Variants in OCLN observed in about 807,000 individuals in gnomAD.
The protein encoded by OCLN is occludin.
In OCLN, 21 loss-of-function variants were observed where a neutral mutation model predicts 47.9. That is an observed-to-expected ratio of 0.44 (90% confidence interval 0.31 to 0.63). OCLN has a LOEUF of 0.63. Ranked by LOEUF, OCLN falls within the 30% of genes least tolerant of loss-of-function variation. OCLN has a pLI of 0.08. For missense variants in OCLN, 360 were observed against 571.0 expected (o/e 0.63, Z 3.77); for synonymous variants, 117 against 198.4 (o/e 0.59, Z 3.45).
At chr5:69,547,185 C>A (rs1769733126) in intron 6 of OCLN, among the ~76,000 whole-genome samples, 1 of 151,096 alleles carries the variant, frequency 6.6e-6, no homozygotes, top group South Asian at 2.1e-4. Flanking sequence ...AGTCTGAAAA[C>A]TATGGGTGGT....
intron 1 of OCLN, among the ~76,000 whole-genome samples, chr5:69,495,279 G>A (rs1224854200): frequency 6.6e-6 from 1 of 152,098 alleles, no homozygotes; most frequent in Non-Finnish European, 1.5e-5. Context: ...TAACCCCTAG[G>A]CTTGCCGCTG....
chr5:69,496,274 A>G (rs1349131077), intron 1 of OCLN, among the ~76,000 whole-genome samples: 3 of 151,646 alleles, frequency 2.0e-5, no homozygotes, highest in African/African-American at 7.3e-5. Flanking sequence ...AATTTTTTGT[A>G]TTTTTAATAG....
At chr5:69,529,277 G>A (rs913306638) in intron 4 of OCLN, among the ~76,000 whole-genome samples, 2 of 152,090 alleles carry the variant, frequency 1.3e-5, no homozygotes, top group African/African-American at 2.4e-5. Flanking sequence ...ATCCCACAGG[G>A]GTTTAGGATG....
At chr5:69,515,178 A>T (rs1444545079) in intron 4 of OCLN, among the ~76,000 whole-genome samples, 51 of 129,838 alleles carry the variant, frequency 3.9e-4, no homozygotes, top group African/African-American at 1.5e-3. Context: ...TCCCTCCCGG[A>T]CGGGGCGGCT....
chr5:69,504,352 A>G (rs1768538657), intron 2 of OCLN, 58 bp downstream of exon 2: 1 of 1,013,428 alleles, frequency 9.9e-7, no homozygotes, highest in African/African-American at 1.6e-5. Flanking sequence ...TGTAAACAAT[A>G]AGTATGGTTG....
chr5:69,510,253 A>G (rs533686283), intron 3 of OCLN, among the ~76,000 whole-genome samples: 2 of 152,330 alleles, frequency 1.3e-5, no homozygotes, highest in East Asian at 3.9e-4. Context: ...TTTACGTAGC[A>G]TAATGTTTTT....
intron 4 of OCLN, among the ~76,000 whole-genome samples, chr5:69,529,688 C>T (rs1769377918): frequency 6.6e-6 from 1 of 152,100 alleles, no homozygotes; most frequent in African/African-American, 2.4e-5. Flanking sequence ...ACTGCAACCT[C>T]CATCTCCCGG....
intron 5 of OCLN, among the ~76,000 whole-genome samples, chr5:69,536,167 C>T (rs1769579357): frequency 6.6e-6 from 1 of 152,034 alleles, no homozygotes; most frequent in South Asian, 2.1e-4. Flanking sequence ...AAGGCACTTA[C>T]CATGAATGAA....
At chr5:69,500,233 A>G (rs1330900050) in intron 1 of OCLN, among the ~76,000 whole-genome samples, 2 of 152,108 alleles carry the variant, frequency 1.3e-5, no homozygotes, top group Non-Finnish European at 2.9e-5. Context: ...GCCCCTTGGG[A>G]ATCTGCCCAC....
At chr5:69,537,879 G>A (rs1400066583) in intron 5 of OCLN, among the ~76,000 whole-genome samples, 2 of 106,288 alleles carry the variant, frequency 1.9e-5, no homozygotes, top group Admixed American at 2.0e-4. Context: ...ACATCTCGTT[G>A]CACTGGAAGG....
intron 2 of OCLN, among the ~76,000 whole-genome samples, chr5:69,507,475 G>A (rs1314116977): frequency 6.6e-6 from 1 of 151,842 alleles, no homozygotes; most frequent in Non-Finnish European, 1.5e-5. Context: ...AATGCGATAT[G>A]TATTTTTTCA....
intron 5 of OCLN, 78 bp from the exon 6 acceptor site, chr5:69,544,826 A>ATTATGGCTGTGCC: frequency 1.6e-6 from 1 of 612,872 alleles, no homozygotes. Flanking sequence ...GCTGGTGTTT[A>ATTATGGCTGTGCC]TTATGGCTGT....
At chr5:69,524,531 G>T (rs1167261130) in intron 4 of OCLN, among the ~76,000 whole-genome samples, 1 of 152,156 alleles carries the variant, frequency 6.6e-6, no homozygotes, top group Non-Finnish European at 1.5e-5. Context: ...GCAGAGTTAG[G>T]TTATAGATTA....
chr5:69,511,300 G>T (rs940952066), intron 3 of OCLN, among the ~76,000 whole-genome samples: 1 of 151,612 alleles, frequency 6.6e-6, no homozygotes, highest in Non-Finnish European at 1.5e-5. Flanking sequence ...AGCCACGATG[G>T]TCTCTATCTT....
intron 3 of OCLN, among the ~76,000 whole-genome samples, chr5:69,511,494 C>A (rs1768785761): frequency 6.6e-6 from 1 of 152,068 alleles, no homozygotes; most frequent in Non-Finnish European, 1.5e-5. Flanking sequence ...TCACTGCATC[C>A]TTGACCTCCT....
chr5:69,505,246 G>A (rs531544441), intron 2 of OCLN, among the ~76,000 whole-genome samples: 11 of 152,156 alleles, frequency 7.2e-5, no homozygotes, highest in Admixed American at 3.3e-4. Flanking sequence ...GCAAAACTCC[G>A]TCTCAAAAAA....
In OCLN at chr5:69,509,272, C is replaced by A; in HGVS notation, c.182C>A (p.Pro61His). ...CTTCACTTCTACAAATGGACCTCTCCTCCAGGAGTGATTCGGATCCTGTCT... is the reference window on the plus strand; with the variant it reads ...CTTCACTTCTACAAATGGACCTCTCATCCAGGAGTGATTCGGATCCTGTCT... Reference protein sequence around the residue: ...EILHFYKWTSPPGVIRILSML... With the variant: ...EILHFYKWTSHPGVIRILSML... The change falls in exon 3 of 9, where the codon CCT (proline) becomes CAT (histidine). Residue 61 changes from proline (P) to histidine (H), a missense_variant. By Grantham distance (77) the Pro-to-His change is moderately conservative. This residue lies in a region of OCLN where 314 missense variants were observed against 368.1 expected (regional missense o/e 0.85). Coordinates refer to ENST00000396442, the MANE Select transcript of OCLN (RefSeq NM_001205254.2). The A allele has an allele frequency of 6.2e-7, 1 of 1,614,210 alleles. No homozygotes were observed. Among genetic ancestry groups the A allele is most frequent in the Non-Finnish European group, 8.5e-7 (1 of 1,180,034 alleles).
chr5:69,494,056 GAA>G (rs1768222207), intron 1 of OCLN, among the ~76,000 whole-genome samples: 1 of 152,234 alleles, frequency 6.6e-6, no homozygotes. Flanking sequence ...GGGATACCTG[GAA>G]AAGAGAAACG....
chr5:69,524,314 TTACATTA>T (rs1769220800), intron 4 of OCLN, among the ~76,000 whole-genome samples: 1 of 152,236 alleles, frequency 6.6e-6, no homozygotes, highest in Non-Finnish European at 1.5e-5. Flanking sequence ...CATTACTAAG[TTACATTA>T]TACATTTTTT....
Sources: allele counts gnomAD v4.1 joint callset (sites outside exome capture counted in the v4.1 genomes callset), GRCh38; gene constraint gnomAD v4.1.1; regional missense constraint gnomAD v4.1.1; transcripts MANE v1.5; gene names NCBI Gene and HGNC (gene_info 2026-07-23, HGNC 2026-07-21).